FUT8: variants seen among roughly 807,000 people sequenced by gnomAD.
FUT8 encodes alpha-(1,6)-fucosyltransferase.
A neutral mutation model predicts 71.3 loss-of-function variants in FUT8; 29 were observed. That is an observed-to-expected ratio of 0.41 (90% CI 0.30 to 0.55). The LOEUF (loss-of-function observed/expected upper bound fraction) is 0.55. FUT8 is among the 20% of genes least tolerant of loss of function. FUT8 has a pLI of 0.34. For synonymous variants in FUT8, 254 were observed against 239.3 expected, an observed-to-expected ratio of 1.06 and a Z score of -0.57; for missense variants, 544 against 702.1, an observed-to-expected ratio of 0.77 and a Z score of 2.55.
intron 2 of FUT8, among the ~76,000 whole-genome samples, chr14:65,518,226 T>C (rs1315393279): frequency 6.6e-6 from 1 of 152,128 alleles, no homozygotes; most frequent in East Asian, 1.9e-4. Context: ...AAACATATAT[T>C]TTAGATTCAT....
At chr14:65,633,482 T>A (rs1468857447) in intron 6 of FUT8, among the ~76,000 whole-genome samples, 1 of 149,412 alleles carries the variant, frequency 6.7e-6, no homozygotes, top group Admixed American at 6.6e-5. Flanking sequence ...GGCTGCCCAG[T>A]CTGGAAAGTG....
chr14:65,687,696 C>A (rs1300896830), intron 7 of FUT8, among the ~76,000 whole-genome samples: 3 of 151,946 alleles, frequency 2.0e-5, no homozygotes, highest in Non-Finnish European at 4.4e-5. Flanking sequence ...ATATACCCCC[C>A]ACTCCCCCTA....
At chr14:65,368,532 G>C in the FUT8 span, among the ~76,000 whole-genome samples, 1 of 125,430 alleles carries the variant, frequency 8.0e-6, no homozygotes, top group Non-Finnish European at 1.7e-5. Context: ...TGTTGTTTTT[G>C]TTTTTTTTGA....
chr14:65,666,276 A>G (rs781361276), intron 6 of FUT8, among the ~76,000 whole-genome samples: 6 of 152,096 alleles, frequency 3.9e-5, no homozygotes, highest in Non-Finnish European at 7.4e-5. Context: ...TGAATAAGAA[A>G]CGTACTGGAT....
At chr14:65,575,449 C>T (rs1886704155) in intron 3 of FUT8, among the ~76,000 whole-genome samples, 1 of 152,022 alleles carries the variant, frequency 6.6e-6, no homozygotes, top group Non-Finnish European at 1.5e-5. Context: ...TACAGAAAAT[C>T]CCATTTTGAT....
At chr14:65,387,359 C>T in the FUT8 span, among the ~76,000 whole-genome samples, 1 of 152,162 alleles carries the variant, frequency 6.6e-6, no homozygotes, top group Non-Finnish European at 1.5e-5. Flanking sequence ...GGAATGTGAG[C>T]TATTTCCATT....
At chr14:65,394,400 T>C in the FUT8 span, among the ~76,000 whole-genome samples, 5 of 152,208 alleles carry the variant, frequency 3.3e-5, no homozygotes, top group African/African-American at 1.2e-4. Context: ...GGAGCTACAA[T>C]TCAAGATGAG....
chr14:65,421,744 C>CT, intron 1 of FUT8, among the ~76,000 whole-genome samples: 1 of 61,956 alleles, frequency 1.6e-5, no homozygotes, highest in Admixed American at 2.1e-4. Flanking sequence ...AACCCACCCC[C>CT]CCCTTTTTTT....
intron 2 of FUT8, among the ~76,000 whole-genome samples, chr14:65,486,046 T>C (rs571381538): frequency 6.6e-6 from 1 of 152,334 alleles, no homozygotes; most frequent in East Asian, 1.9e-4. Flanking sequence ...AGCATATTTT[T>C]AACCCCATTA....
At chr14:65,608,472 GT>G (rs1888704827) in intron 3 of FUT8, among the ~76,000 whole-genome samples, 2 of 151,950 alleles carry the variant, frequency 1.3e-5, no homozygotes, top group South Asian at 2.1e-4. Flanking sequence ...CAACTCACTA[GT>G]TTTTCATATT....
chr14:65,433,701 A>G (rs2065510175), intron 1 of FUT8, among the ~76,000 whole-genome samples: 1 of 152,118 alleles, frequency 6.6e-6, no homozygotes, highest in South Asian at 2.1e-4. Flanking sequence ...CACTATTTGT[A>G]ATGTAAATCT....
At chr14:65,619,171 A>C (rs1312024958) in intron 5 of FUT8, among the ~76,000 whole-genome samples, 1 of 152,208 alleles carries the variant, frequency 6.6e-6, no homozygotes. Flanking sequence ...AACAGATCAT[A>C]ATAGTAGTAG....
chr14:65,486,609 G>C (rs2066412764), intron 2 of FUT8, among the ~76,000 whole-genome samples: 1 of 152,220 alleles, frequency 6.6e-6, no homozygotes, highest in South Asian at 2.1e-4. Flanking sequence ...GTTTCTTATA[G>C]ATGGTAGCTG....
chr14:65,650,802 C>T (rs1891370710), intron 6 of FUT8, among the ~76,000 whole-genome samples: 1 of 151,908 alleles, frequency 6.6e-6, no homozygotes. Flanking sequence ...CTATATATCC[C>T]AGCCAAGGGT....
At position 65,412,843 on chromosome 14, in the gene FUT8, C is replaced by T. The variant is rs1368311981; in HGVS notation, c.-697C>T. 6.6e-6 allele frequency among the ~76,000 whole-genome samples: 1 copy of T among 152,186 alleles called. No individual in the cohort carries two copies. The highest frequency in any genetic ancestry group is 1.5e-5 in the Non-Finnish European group (1 of 68,020). ...GCCGACCCGAGCAGCCGGTTCCCTCCTCTCCAGGCCCCCTCCCCATCCCAC... is the reference window on the plus strand; with the variant it reads ...GCCGACCCGAGCAGCCGGTTCCCTCTTCTCCAGGCCCCCTCCCCATCCCAC... On this transcript the variant is annotated 5_prime_UTR_variant, in exon 1 of 11. Transcript: ENST00000673929.
the FUT8 span, among the ~76,000 whole-genome samples, chr14:65,379,012 A>G: frequency 6.6e-6 from 1 of 151,384 alleles, no homozygotes; most frequent in Non-Finnish European, 1.5e-5. Flanking sequence ...ATGCCTGGCT[A>G]ATTTTTGTAT....
At position 65,694,378 on chromosome 14, in the gene FUT8, A is replaced by G. The variant is rs544752936; in HGVS notation, c.835+24898A>G. Among the ~76,000 whole-genome samples, 6 of 152,286 alleles carry G rather than the reference A, an allele frequency of 3.9e-5. No individual in the cohort carries two copies. In the South Asian group the frequency reaches 1.2e-3, roughly 32 times the overall value. On this transcript the variant is annotated intron_variant, in intron 7 of 10. Coordinates refer to ENST00000673929, the MANE Select transcript of FUT8 (RefSeq NM_001371533.1). Reference sequence around the variant, plus strand: ...GTTTTATTTTCATTTAGTTTAAAATATTTTTTATTTCTTGACATTTCTTTG... The same window carrying G: ...GTTTTATTTTCATTTAGTTTAAAATGTTTTTTATTTCTTGACATTTCTTTG...
At chr14:65,595,908 C>T (rs1470333508) in intron 3 of FUT8, among the ~76,000 whole-genome samples, 2 of 152,164 alleles carry the variant, frequency 1.3e-5, no homozygotes, top group African/African-American at 4.8e-5. Flanking sequence ...CACGCGCGGC[C>T]CACACCATCC....
At chr14:65,538,145 C>T (rs1201559172) in intron 2 of FUT8, among the ~76,000 whole-genome samples, 1 of 152,200 alleles carries the variant, frequency 6.6e-6, no homozygotes, top group Non-Finnish European at 1.5e-5. Context: ...CTGTGCTCCA[C>T]TACAGATGCT....
Sources: gnomAD v4.1 joint callset for allele counts (sites outside exome capture counted in the v4.1 genomes callset) on GRCh38, gnomAD v4.1.1 for gene constraint, MANE v1.5 for transcripts, NCBI Gene and HGNC (gene_info 2026-07-23, HGNC 2026-07-21) for gene names.